WTIP: variants seen among roughly 807,000 people sequenced by gnomAD.
WTIP encodes the protein Wilms tumor protein 1-interacting protein.
A neutral mutation model predicts 41.7 loss-of-function variants in WTIP; 23 were observed. The observed-to-expected ratio is 0.55, with a 90% CI of 0.40 to 0.78. The LOEUF is 0.78. Ranked by LOEUF, WTIP falls within the 30% of genes least tolerant of loss-of-function variation. WTIP has a pLI of 0.00. For synonymous variants in WTIP, 314 were observed against 269.9 expected (o/e 1.16, Z -1.60); for missense variants, 619 against 610.5 (o/e 1.01, Z -0.15).
rs932423493 is a variant in WTIP at position 34,481,830 on chromosome 19, C to T, written c.-145C>T. 1.1e-5 allele frequency: 3 copies of T among 276,290 alleles called. No individual in the cohort carries two copies. The highest frequency in any genetic ancestry group is 2.3e-5 in the African/African-American group (1 of 43,494). The allele number at this position is 276,290 out of a possible 1,614,324, so 17.1% of individuals were successfully genotyped here. ...CCCGCGCGTGGCCGCCGGAACGACC[C>T]CGGCCCGGCGCCGGCCCCGCCCCGC... is the stretch of plus-strand genomic sequence containing the variant. On this transcript the variant is annotated 5_prime_UTR_variant, in exon 1 of 8. Transcript: ENST00000590071.
chr19:34,487,308 G>T (rs2075802923), intron 1 of WTIP, among the ~76,000 whole-genome samples: 2 of 151,918 alleles, frequency 1.3e-5, no homozygotes, highest in East Asian at 3.9e-4. Flanking sequence ...CACCATGTTG[G>T]CCAGGCTGGT....
rs1381659102 is a variant in WTIP at position 34,504,894 on chromosome 19, T to C, written c.*4625T>C. The stretch of plus-strand genomic sequence containing the variant: ...CTTCCGGTGCCACACTCGGGAGGGG[T>C]GAGGGCTTTGCTGGCTGCAGGGTTA... On this transcript the variant is annotated 3_prime_UTR_variant, in exon 8 of 8. Coordinates refer to ENST00000590071, the MANE Select transcript of WTIP (RefSeq NM_001080436.2). The C allele has an allele frequency of 1.3e-5, 2 of 151,916 alleles. No individual in the cohort carries two copies. The highest frequency in any genetic ancestry group is 2.9e-5 in the Non-Finnish European group (2 of 68,144). 9.4% of individuals were successfully genotyped at this position (151,916 alleles called of 1,614,324 possible).
rs190183125 is a variant in WTIP, at chr19:34,509,186, G to A, written c.*8917G>A. On this transcript the variant is annotated 3_prime_UTR_variant, in exon 8 of 8. Coordinates refer to ENST00000590071, the MANE Select transcript of WTIP (RefSeq NM_001080436.2). ...TGCACTCCAGCCAGGGTAACACAGCGAGACCCTGTGTTAGCCTGTTTTCAC... is the reference window on the plus strand; with the variant it reads ...TGCACTCCAGCCAGGGTAACACAGCAAGACCCTGTGTTAGCCTGTTTTCAC... The A allele has an allele frequency of 7.2e-5, 11 of 152,344 alleles. No homozygotes were observed. Among genetic ancestry groups the A allele is most frequent in the Admixed American group, 6.5e-4 (10 of 15,310 alleles). 9.4% of individuals were successfully genotyped at this position (152,344 alleles called of 1,614,324 possible). A position where few individuals can be genotyped will look rare whatever the true frequency, so the allele number is the denominator to read the frequency against.
rs12461950 is a variant in WTIP, at chr19:34,506,197, C to T, written c.*5928C>T. ...CTCTCGGAGGTGATGAGTGACTTTT[C>T]TCTTGCTGCCGTCAAGATTCCTGGC... On this transcript the variant is annotated 3_prime_UTR_variant, in exon 8 of 8. Transcript: ENST00000590071. 0.057 allele frequency: 8,755 copies of T among 152,296 alleles called. 433 individuals carry two copies. Among genetic ancestry groups the T allele is most frequent in the Admixed American group, 0.16 (2,374 of 15,286 alleles). 9.4% of individuals were successfully genotyped at this position (152,296 alleles called of 1,614,324 possible). A position where few individuals can be genotyped will look rare whatever the true frequency, so the allele number is the denominator to read the frequency against.
intron 1 of WTIP, among the ~76,000 whole-genome samples, chr19:34,490,033 G>A (rs2075817682): frequency 6.6e-6 from 1 of 152,226 alleles, no homozygotes; most frequent in Non-Finnish European, 1.5e-5. Context: ...TAACCCAGGA[G>A]TTTGAAACCA....
At chr19:34,496,661 T>C (rs2145607150) in intron 7 of WTIP, among the ~76,000 whole-genome samples, 1 of 110,034 alleles carries the variant, frequency 9.1e-6, no homozygotes, top group South Asian at 3.3e-4. Context: ...GGCAAGTGTC[T>C]GGATGTGGGG....
Position 34,493,387 on chromosome 19 carries a change from C to T in WTIP, c.900+62C>T, listed in dbSNP as rs1338584301. 12 of 1,593,222 alleles carry T rather than the reference C, an allele frequency of 7.5e-6. No individual in the cohort carries two copies. The highest frequency in any genetic ancestry group is 4.6e-5 in the East Asian group (2 of 43,700). ...CGTGGGTGGAGTCTGAGGACTCTAC[C>T]GTCTCCCCTGCTCCAGACCTGCCAG... is the stretch of plus-strand genomic sequence containing the variant. On this transcript the variant is annotated intron_variant, in intron 4 of 7. Coordinates refer to ENST00000590071, the MANE Select transcript of WTIP (RefSeq NM_001080436.2). This position sits in a 1 kb window ranked among gnomAD's most constrained non-coding sequence, Gnocchi z 4.1.
Position 34,500,498 on chromosome 19 carries a change from C to G in WTIP, c.*229C>G. 1.7e-6 allele frequency: 1 copy of G among 582,674 alleles called. No individual in the cohort carries two copies. The highest frequency in any genetic ancestry group is 1.9e-5 in the African/African-American group (1 of 53,810). The allele number at this position is 582,674 out of a possible 1,614,324, so 36.1% of individuals were successfully genotyped here. On this transcript the variant is annotated 3_prime_UTR_variant, in exon 8 of 8. Transcript: ENST00000590071. ...CCCACCCACCCCATCACCAGCTTTC[C>G]ACTTGGAGGCCCCCTGTGCCCTGCA...
chr19:34,489,966 C>T (rs1395462493), intron 1 of WTIP, among the ~76,000 whole-genome samples: 3 of 152,046 alleles, frequency 2.0e-5, no homozygotes, highest in Admixed American at 1.3e-4. Flanking sequence ...TGGTTGGGTG[C>T]AGTGGCTCAT....
Position 34,503,321 on chromosome 19 carries a change from T to TTTC in WTIP, c.*3056_*3058dup, listed in dbSNP as rs2075897170. 1 of 145,670 alleles carries TTTC rather than the reference T, an allele frequency of 6.9e-6. No homozygotes were observed. The highest frequency in any genetic ancestry group is 1.5e-5 in the Non-Finnish European group (1 of 66,138). 9.0% of individuals were successfully genotyped at this position (145,670 alleles called of 1,614,324 possible). A position where few individuals can be genotyped will look rare whatever the true frequency, so the allele number is the denominator to read the frequency against. Reference sequence around the variant, plus strand: ...CTCCGTGGGAGCCACTCTCCCGGGGTTTCTTCCTCTATGAAGAAACCTTGG... The same window carrying TTTC: ...CTCCGTGGGAGCCACTCTCCCGGGGTTTCTTCTTCCTCTATGAAGAAACCTTGG... On this transcript the variant is annotated 3_prime_UTR_variant, in exon 8 of 8. Transcript: ENST00000590071.
chr19:34,500,007 T>G, intron 7 of WTIP, 122 bp from the exon 8 acceptor site: 4 of 1,388,934 alleles, frequency 2.9e-6, no homozygotes, highest in Non-Finnish European at 3.8e-6. Flanking sequence ...GGCGGAAGAG[T>G]CTTCATGTTG....
rs2277980 is a variant in WTIP, at chr19:34,493,797, T to C, written c.1031+175T>C. On this transcript the variant is annotated intron_variant, in intron 5 of 7. Transcript: ENST00000590071. The surrounding 1 kb of genome is among the most constrained non-coding windows in gnomAD (Gnocchi z 4.1). Reference sequence around the variant, plus strand: ...GTGTCTCTGCCTGCATCCCCTCTCCTGGTGGTCCGGCCACCAGCTGTCTTT... The same window carrying C: ...GTGTCTCTGCCTGCATCCCCTCTCCCGGTGGTCCGGCCACCAGCTGTCTTT... Among the ~76,000 whole-genome samples, 13,433 of 152,036 alleles carry C rather than the reference T, an allele frequency of 0.088. 1,097 individuals are homozygous for C. The highest frequency in any genetic ancestry group is 0.42 in the East Asian group (2,182 of 5,148).
rs2075887623 is a variant in WTIP, at chr19:34,501,696, G to T, written c.*1427G>T. On this transcript the variant is annotated 3_prime_UTR_variant, in exon 8 of 8. Coordinates refer to ENST00000590071, the MANE Select transcript of WTIP (RefSeq NM_001080436.2). ...ACCAGGAGGCGCCCGCAGGGAAGTG[G>T]CGGCTTCGGAGTCCAGCAGGGCCGA... The T allele has an allele frequency of 6.6e-6, 1 of 152,378 alleles. No homozygotes were observed. Among genetic ancestry groups the T allele is most frequent in the Non-Finnish European group, 1.5e-5 (1 of 68,138 alleles). 9.4% of individuals were successfully genotyped at this position (152,378 alleles called of 1,614,324 possible). A position where few individuals can be genotyped will look rare whatever the true frequency, so the allele number is the denominator to read the frequency against.
intron 7 of WTIP, among the ~76,000 whole-genome samples, chr19:34,499,895 C>T (rs1284878751): frequency 6.6e-6 from 1 of 152,070 alleles, no homozygotes; most frequent in African/African-American, 2.4e-5. Context: ...GACAGGGTTT[C>T]ACCATGTTGG....
chr19:34,497,166 TTTTCTGAATCTTGGCCCTGGGAATTCCAG>T (rs1222361272), intron 7 of WTIP, among the ~76,000 whole-genome samples: 21 of 152,284 alleles, frequency 1.4e-4, no homozygotes, highest in Middle Eastern at 6.8e-3. Context: ...CCAGGCCTTC[TTTTCTGAATCTTGGCCCTGGGAATTCCAG>T]TTGCCTTGGC....
Position 34,495,762 on chromosome 19 carries a change from C to A in WTIP, c.1143C>A (p.Tyr381Ter). The A allele has an allele frequency of 6.2e-7, 1 of 1,613,778 alleles. No homozygotes were observed. Among genetic ancestry groups the A allele is most frequent in the Non-Finnish European group, 8.5e-7 (1 of 1,179,948 alleles). ...SMDRDYHVACYHCEDCGLQLS... is the reference protein window; with the variant it reads ...SMDRDYHVAC ...ACAGAGACTACCACGTGGCATGTTA[C>A]CACTGTGAGGTGAGCCTGGGCCCAC... Residue 381 changes from tyrosine (Y) to a stop codon, truncating the protein, a stop_gained, in exon 7 of 8, where the codon TAC (tyrosine) becomes TAA (stop). Coordinates refer to ENST00000590071, the MANE Select transcript of WTIP (RefSeq NM_001080436.2). LOFTEE classifies it high-confidence loss of function.
intron 1 of WTIP, among the ~76,000 whole-genome samples, chr19:34,483,575 C>T (rs1263427640): frequency 1.3e-5 from 2 of 152,202 alleles, no homozygotes; most frequent in African/African-American, 2.4e-5. Flanking sequence ...GCCAGTCACA[C>T]GGGGCTGCCC....
At chr19:34,494,953 G>A (rs2075845282) in intron 6 of WTIP, among the ~76,000 whole-genome samples, 1 of 152,272 alleles carries the variant, frequency 6.6e-6, no homozygotes. Flanking sequence ...GGTGCTGGGG[G>A]AGCAGATGAG....
intron 1 of WTIP, among the ~76,000 whole-genome samples, chr19:34,487,291 G>A (rs1454915144): frequency 6.6e-6 from 1 of 151,918 alleles, no homozygotes; most frequent in Non-Finnish European, 1.5e-5. Flanking sequence ...TAGTAGAGAT[G>A]AGGTTTCACC....
Sources: gnomAD v4.1 joint callset for allele counts (sites outside exome capture counted in the v4.1 genomes callset) on GRCh38, gnomAD v4.1.1 for gene constraint, Gnocchi (gnomAD v3.1) non-coding constraint, MANE v1.5 for transcripts, NCBI Gene and HGNC (gene_info 2026-07-23, HGNC 2026-07-21) for gene names.